CAST: variants seen among roughly 807,000 people sequenced by gnomAD.
The protein encoded by CAST is MIR583 host.
A neutral mutation model predicts 119.6 loss-of-function variants in CAST; 76 were observed. That is an observed-to-expected ratio of 0.64 (90% CI 0.53 to 0.77). The LOEUF (loss-of-function observed/expected upper bound fraction) is 0.77. CAST is among the 30% of genes least tolerant of loss of function. The pLI is 0.00. For missense variants in CAST, 953 were observed against 946.5 expected, an observed-to-expected ratio of 1.01 and a Z score of -0.09; for synonymous variants, 319 against 331.6, an observed-to-expected ratio of 0.96 and a Z score of 0.41.
chr5:96,378,436 C>A, the CAST span, among the ~76,000 whole-genome samples: 1 of 152,018 alleles, frequency 6.6e-6, no homozygotes, highest in Non-Finnish European at 1.5e-5. Flanking sequence ...ATATGTATAT[C>A]AAAACATCAA....
the CAST span, among the ~76,000 whole-genome samples, chr5:96,065,419 G>GTGTA: frequency 2.3e-5 from 2 of 88,012 alleles, no homozygotes; most frequent in African/African-American, 8.2e-5. Flanking sequence ...GTGTGTGTGT[G>GTGTA]TGTGTGTGTG....
chr5:96,461,004 C>T, the CAST span, among the ~76,000 whole-genome samples: 1 of 152,142 alleles, frequency 6.6e-6, no homozygotes, highest in Non-Finnish European at 1.5e-5. Context: ...ACCCCATACC[C>T]ATTAGCAAGC....
chr5:96,403,170 G>A, the CAST span, among the ~76,000 whole-genome samples: 58 of 152,294 alleles, frequency 3.8e-4, 1 homozygote, highest in South Asian at 0.011. Flanking sequence ...TTTATATGCA[G>A]TTGCAGGTTA....
the CAST span, among the ~76,000 whole-genome samples, chr5:96,383,385 G>A: frequency 1.3e-5 from 2 of 152,180 alleles, no homozygotes; most frequent in South Asian, 2.1e-4. Context: ...ATGACATGGA[G>A]CTATGGAAAC....
the CAST span, among the ~76,000 whole-genome samples, chr5:96,269,742 G>GA: frequency 1.2e-4 from 19 of 152,190 alleles, no homozygotes; most frequent in Non-Finnish European, 2.5e-4. Context: ...CAAGTATCAA[G>GA]ATCAAAGCTG....
chr5:96,285,556 G>A, the CAST span, among the ~76,000 whole-genome samples: 1 of 152,054 alleles, frequency 6.6e-6, no homozygotes, highest in African/African-American at 2.4e-5. Context: ...TCCTCATATT[G>A]GCATGAAGCT....
chr5:96,199,108 G>A, the CAST span, among the ~76,000 whole-genome samples: 3 of 152,108 alleles, frequency 2.0e-5, no homozygotes, highest in African/African-American at 7.2e-5. Flanking sequence ...TGTGACTATA[G>A]GCTGGTCAAC....
At chr5:96,353,783 T>G in the CAST span, among the ~76,000 whole-genome samples, 1 of 151,446 alleles carries the variant, frequency 6.6e-6, no homozygotes, top group African/African-American at 2.5e-5. Context: ...CAAACTTTCC[T>G]GGTTCTTCAG....
chr5:96,658,211 A>T (rs1748189603), upstream of CAST, among the ~76,000 whole-genome samples: 1 of 152,212 alleles, frequency 6.6e-6, no homozygotes, highest in African/African-American at 2.4e-5. Flanking sequence ...CTTTGGGTTT[A>T]GTAAGTTCAT....
intron 1 of CAST, among the ~76,000 whole-genome samples, chr5:96,595,472 G>C (rs1044410991): frequency 4.6e-5 from 7 of 152,164 alleles, no homozygotes. Flanking sequence ...CCACCGAAGG[G>C]GAAGACAGGA....
chr5:96,557,911 AG>A (rs1746276601), intron 1 of CAST, among the ~76,000 whole-genome samples: 1 of 152,172 alleles, frequency 6.6e-6, no homozygotes, highest in Non-Finnish European at 1.5e-5. Context: ...CATTCTTTTC[AG>A]CACCACACCA....
chr5:96,650,306 C>T (rs1316024076), intron 1 of CAST, among the ~76,000 whole-genome samples: 1 of 152,170 alleles, frequency 6.6e-6, no homozygotes, highest in Non-Finnish European at 1.5e-5. Flanking sequence ...CTGTTAGAGG[C>T]CTCAGGTTGA....
At chr5:96,503,403 C>G in the CAST span, among the ~76,000 whole-genome samples, 9,071 of 152,174 alleles carry the variant, frequency 0.06, 712 homozygotes, top group East Asian at 0.28. Flanking sequence ...CCTTAAACCT[C>G]CCTTTTTTCT....
chr5:96,555,594 G>A (rs1746222967), intron 1 of CAST, among the ~76,000 whole-genome samples: 1 of 152,184 alleles, frequency 6.6e-6, no homozygotes, highest in South Asian at 2.1e-4. Flanking sequence ...CACCTGGCTT[G>A]AAGGGTCCTA....
At chr5:96,252,695 G>T in the CAST span, among the ~76,000 whole-genome samples, 114,173 of 152,056 alleles carry the variant, frequency 0.75, 43,065 homozygotes, top group East Asian at 0.84. Context: ...ATATGAAGTT[G>T]TATTATAACA....
intron 1 of CAST, among the ~76,000 whole-genome samples, chr5:96,669,779 G>A (rs1299901081): frequency 6.6e-6 from 1 of 152,208 alleles, no homozygotes; most frequent in Non-Finnish European, 1.5e-5. Context: ...TGCCGACTCA[G>A]TGGGATGGTT....
the CAST span, among the ~76,000 whole-genome samples, chr5:96,291,952 T>G: frequency 6.6e-6 from 1 of 151,956 alleles, no homozygotes; most frequent in African/African-American, 2.4e-5. Context: ...ATATTTTGTC[T>G]CTACTCTGGC....
the CAST span, among the ~76,000 whole-genome samples, chr5:96,498,871 G>A: frequency 7.2e-5 from 11 of 152,032 alleles, no homozygotes; most frequent in African/African-American, 2.7e-4. Flanking sequence ...GGGCTACAAA[G>A]GACGAGTTCT....
chr5:96,033,547 G>A, the CAST span, among the ~76,000 whole-genome samples: 1 of 152,076 alleles, frequency 6.6e-6, no homozygotes, highest in African/African-American at 2.4e-5. Flanking sequence ...AAACAATAGG[G>A]AAAGGGCAAT....
Sources: gnomAD v4.1 joint callset for allele counts (sites outside exome capture counted in the v4.1 genomes callset) on GRCh38, gnomAD v4.1.1 for gene constraint, MANE v1.5 for transcripts, NCBI Gene and HGNC (gene_info 2026-07-23, HGNC 2026-07-21) for gene names.